The following LOC112694756 variants were observed in gnomAD, a reference collection of about 807,000 sequenced individuals.
At chr16:30,057,828 G>T in the LOC112694756 span, among the ~76,000 whole-genome samples, 6 of 152,062 alleles carry the variant, frequency 3.9e-5, no homozygotes, top group Non-Finnish European at 5.9e-5. Flanking sequence ...CTACTGGAAA[G>T]GCTGAGGCAG....
chr16:30,057,236 C>G, the LOC112694756 span, among the ~76,000 whole-genome samples: 1 of 152,104 alleles, frequency 6.6e-6, no homozygotes, highest in African/African-American at 2.4e-5. Context: ...AACCTGACAT[C>G]ACACTTCGCC....
the LOC112694756 span, chr16:30,066,749 C>G: frequency 1.1e-6 from 1 of 947,396 alleles, no homozygotes; most frequent in Non-Finnish European, 1.6e-6. Context: ...AATCTCAGAT[C>G]TGGCTCCGGG....
At chr16:30,069,822 C>T in the LOC112694756 span, 4 of 1,614,032 alleles carry the variant, frequency 2.5e-6, no homozygotes, top group Non-Finnish European at 2.5e-6. Context: ...CTCACCCCTG[C>T]TCTACAGGGA....
At chr16:30,070,001 C>T in the LOC112694756 span, 7 of 1,613,768 alleles carry the variant, frequency 4.3e-6, no homozygotes, top group East Asian at 2.2e-5. Context: ...CTGAAGGCTG[C>T]GCAGGAGGAG....
At chr16:30,065,051 A>G in the LOC112694756 span, among the ~76,000 whole-genome samples, 2 of 152,250 alleles carry the variant, frequency 1.3e-5, no homozygotes, top group African/African-American at 4.8e-5. Flanking sequence ...TCTGTGGCGC[A>G]GAGGACTACC....
chr16:30,065,013 G>GC, the LOC112694756 span, among the ~76,000 whole-genome samples: 1 of 152,268 alleles, frequency 6.6e-6, no homozygotes, highest in Non-Finnish European at 1.5e-5. Context: ...CCGAGCAGCG[G>GC]CCGGTGCATA....
chr16:30,057,463 T>C, the LOC112694756 span, among the ~76,000 whole-genome samples: 1 of 152,158 alleles, frequency 6.6e-6, no homozygotes, highest in Non-Finnish European at 1.5e-5. Flanking sequence ...GGTTTAAAGA[T>C]GTTAAATGTA....
the LOC112694756 span, among the ~76,000 whole-genome samples, chr16:30,065,502 C>G: frequency 4.6e-5 from 7 of 152,246 alleles, no homozygotes; most frequent in African/African-American, 9.6e-5. Flanking sequence ...CAGAGCGCGC[C>G]AGGCTGGGGG....
At chr16:30,059,087 G>A in the LOC112694756 span, 1 of 398,336 alleles carries the variant, frequency 2.5e-6, no homozygotes, top group Non-Finnish European at 4.4e-6. Flanking sequence ...AGGCATCTAG[G>A]CCCCACACTG....
At chr16:30,066,955 A>G in the LOC112694756 span, 18 of 1,551,678 alleles carry the variant, frequency 1.2e-5, no homozygotes, top group Non-Finnish European at 1.4e-5. Flanking sequence ...GTCCATGGCT[A>G]TGGCCTTTTC....
the LOC112694756 span, among the ~76,000 whole-genome samples, chr16:30,063,169 A>G: frequency 6.6e-6 from 1 of 152,084 alleles, no homozygotes; most frequent in African/African-American, 2.4e-5. Flanking sequence ...AAAAATAGGT[A>G]AATTGCCATT....
chr16:30,056,661 T>G, the LOC112694756 span, among the ~76,000 whole-genome samples: 1 of 152,050 alleles, frequency 6.6e-6, no homozygotes, highest in Non-Finnish European at 1.5e-5. Flanking sequence ...AGTCTGGTGG[T>G]GCAATCATAG....
the LOC112694756 span, chr16:30,054,910 A>C: frequency 2.5e-6 from 1 of 398,884 alleles, no homozygotes; most frequent in Non-Finnish European, 4.4e-6. Context: ...AGTCCTGCTG[A>C]CTAGGAACTG....
the LOC112694756 span, chr16:30,065,570 A>AG: frequency 6.6e-6 from 1 of 151,564 alleles, no homozygotes; most frequent in Non-Finnish European, 1.5e-5. Flanking sequence ...GTCACGTCCG[A>AG]GGGGGGTGGG....
the LOC112694756 span, chr16:30,064,414 C>T: frequency 2.5e-6 from 1 of 398,762 alleles, no homozygotes; most frequent in Non-Finnish European, 4.4e-6. Context: ...CACCCCTTTC[C>T]TTCCCACAGG....
the LOC112694756 span, among the ~76,000 whole-genome samples, chr16:30,060,339 G>A: frequency 6.6e-6 from 1 of 152,090 alleles, no homozygotes; most frequent in Non-Finnish European, 1.5e-5. Context: ...TAGCCAAGCT[G>A]AGGTTCAAAC....
At chr16:30,056,610 G>T in the LOC112694756 span, among the ~76,000 whole-genome samples, 3 of 151,784 alleles carry the variant, frequency 2.0e-5, no homozygotes, top group Non-Finnish European at 4.4e-5. Flanking sequence ...CCTATCCCCC[G>T]CCTTTTTTGA....
At chr16:30,058,623 T>C in the LOC112694756 span, among the ~76,000 whole-genome samples, 1 of 152,112 alleles carries the variant, frequency 6.6e-6, no homozygotes, top group Non-Finnish European at 1.5e-5. Context: ...GTAGCTGGGA[T>C]TACAGGTGCC....
the LOC112694756 span, chr16:30,065,790 T>G: frequency 4.6e-5 from 7 of 152,706 alleles, no homozygotes; most frequent in Non-Finnish European, 7.3e-5. Context: ...CTTCCGAGGC[T>G]AAATCGGCTG....
Sources: allele counts gnomAD v4.1 joint callset (sites outside exome capture counted in the v4.1 genomes callset), GRCh38; gene constraint gnomAD v4.1.1; transcripts MANE v1.5.